The following TNRC6A variants were observed in gnomAD, a reference collection of about 807,000 sequenced individuals.
TNRC6A encodes the protein trinucleotide repeat containing adaptor 6A, also known as trinucleotide repeat-containing gene 6A protein.
Under a neutral mutation model 221.2 loss-of-function variants are expected in TNRC6A, and 44 were observed. The ratio of observed to expected loss-of-function variants is 0.20; its 90% confidence interval spans 0.16 to 0.26. The LOEUF is 0.26. Among genes scored for constraint, TNRC6A ranks in the 10% least tolerant of loss-of-function variants. TNRC6A has a pLI of 1.00. For synonymous variants in TNRC6A, 847 were observed against 838.5 expected, an observed-to-expected ratio of 1.01 and a Z score of -0.18; for missense variants, 2,199 against 2,404.4, an observed-to-expected ratio of 0.91 and a Z score of 1.79.
intron 5 of TNRC6A, among the ~76,000 whole-genome samples, chr16:24,784,163 G>A (rs1224944509): frequency 6.6e-6 from 1 of 151,960 alleles, no homozygotes; most frequent in African/African-American, 2.4e-5. Flanking sequence ...TACCACACCC[G>A]GTTAATTTTT....
chr16:24,627,697 C>CTTTTTTTT (rs57520356), intron 1 of TNRC6A, among the ~76,000 whole-genome samples: 3 of 101,770 alleles, frequency 2.9e-5, no homozygotes, highest in Non-Finnish European at 5.6e-5. Flanking sequence ...TCTTTTCTTG[C>CTTTTTTTT]TTTTTTTTTT....
chr16:24,622,619 T>C (rs184038605), intron 1 of TNRC6A, among the ~76,000 whole-genome samples: 4 of 152,178 alleles, frequency 2.6e-5, no homozygotes, highest in Non-Finnish European at 4.4e-5. Flanking sequence ...ATCATAATAA[T>C]TGCAAAGAGG....
intron 19 of TNRC6A, chr16:24,815,582 G>A (rs1047862091): frequency 7.5e-6 from 3 of 398,790 alleles, no homozygotes; most frequent in African/African-American, 2.0e-5. Flanking sequence ...TAGGCTGGGC[G>A]CAGTGGCACA....
intron 2 of TNRC6A, among the ~76,000 whole-genome samples, chr16:24,667,721 T>G (rs1198646230): frequency 1.3e-5 from 2 of 152,188 alleles, no homozygotes; most frequent in African/African-American, 4.8e-5. Flanking sequence ...GCTATTATTG[T>G]TGTCATATCG....
intron 11 of TNRC6A, among the ~76,000 whole-genome samples, chr16:24,800,038 G>C (rs1327992672): frequency 6.6e-6 from 1 of 152,174 alleles, no homozygotes; most frequent in East Asian, 1.9e-4. Context: ...TTGCCTGCTA[G>C]TTCATACCTC....
intron 1 of TNRC6A, among the ~76,000 whole-genome samples, chr16:24,612,180 G>T (rs1900085769): frequency 6.6e-6 from 1 of 152,114 alleles, no homozygotes; most frequent in East Asian, 1.9e-4. Flanking sequence ...GGAGATGGTG[G>T]CTGTGTCAAA....
intron 2 of TNRC6A, among the ~76,000 whole-genome samples, chr16:24,653,233 G>C (rs571641477): frequency 6.6e-6 from 1 of 152,268 alleles, no homozygotes; most frequent in Admixed American, 6.5e-5. Context: ...AAACAAGGGA[G>C]CGTTCACCTC....
chr16:24,642,142 G>A (rs1000396919), intron 2 of TNRC6A, among the ~76,000 whole-genome samples: 1 of 152,208 alleles, frequency 6.6e-6, no homozygotes, highest in African/African-American at 2.4e-5. Context: ...AGATTCCTGG[G>A]GGTAAACGGC....
At chr16:24,740,622 GA>G (rs1271031170) in intron 2 of TNRC6A, among the ~76,000 whole-genome samples, 6 of 152,048 alleles carry the variant, frequency 3.9e-5, no homozygotes, top group East Asian at 1.9e-4. Flanking sequence ...AAATACAGTA[GA>G]TTTTTTTTAA....
intron 4 of TNRC6A, among the ~76,000 whole-genome samples, chr16:24,769,720 C>G (rs1050255233): frequency 1.3e-5 from 2 of 152,142 alleles, no homozygotes; most frequent in African/African-American, 4.8e-5. Context: ...AGCATACTAA[C>G]CAGTGACCAT....
chr16:24,817,929 G>C (rs917025800), intron 20 of TNRC6A, among the ~76,000 whole-genome samples: 1 of 152,180 alleles, frequency 6.6e-6, no homozygotes, highest in Non-Finnish European at 1.5e-5. Context: ...TGAATTTGGT[G>C]TTAAAGGAAA....
At position 24,804,285 on chromosome 16, in the gene TNRC6A, A is replaced by T. The variant is rs200676338; in HGVS notation, c.3803A>T (p.Glu1268Val). Residue 1268 changes from glutamate to valine, a missense_variant, in exon 12 of 25, where the codon GAG (glutamate) becomes GTG (valine). Glu to Val is a moderately radical substitution (Grantham distance 121). Around this residue, in one of 8 missense-constraint regions of TNRC6A, gnomAD observed 158 missense variants for 159.1 expected, o/e 0.99. Transcript: ENST00000395799. Reference sequence around the variant, plus strand: ...GGTTCTCGGCCTCAGATTTCCAAAGAGTCTTCCATGGAGCGCAATCCTTAT... The same window carrying T: ...GGTTCTCGGCCTCAGATTTCCAAAGTGTCTTCCATGGAGCGCAATCCTTAT... ...GPGSRPQISK[E>V]SSMERNPYFD... The T allele has an allele frequency of 1.3e-5, 21 of 1,613,368 alleles. No individual in the cohort carries two copies. The highest frequency in any genetic ancestry group is 1.7e-5 in the Non-Finnish European group (20 of 1,179,868).
chr16:24,817,016 A>G, intron 20 of TNRC6A, 60 bp downstream of exon 20: 4 of 1,531,730 alleles, frequency 2.6e-6, no homozygotes, highest in Non-Finnish European at 3.5e-6. Context: ...AGAATGGCTC[A>G]TGTAGTACCC....
chr16:24,807,521 T>C (rs1428415958), intron 17 of TNRC6A, among the ~76,000 whole-genome samples: 3 of 152,226 alleles, frequency 2.0e-5, no homozygotes, highest in South Asian at 4.1e-4. Flanking sequence ...TCACATTTGC[T>C]AGCTCTCAGA....
chr16:24,670,661 C>T (rs1313116043), intron 2 of TNRC6A, among the ~76,000 whole-genome samples: 3 of 152,136 alleles, frequency 2.0e-5, no homozygotes, highest in East Asian at 1.9e-4. Flanking sequence ...GCCCAGCCTC[C>T]GATCTCTCTC....
intron 3 of TNRC6A, among the ~76,000 whole-genome samples, chr16:24,754,244 G>T (rs971976660): frequency 2.6e-5 from 4 of 151,838 alleles, no homozygotes; most frequent in Admixed American, 1.3e-4. Flanking sequence ...ATTAGACACC[G>T]ACGAGCCTTA....
chr16:24,805,319 G>A, intron 14 of TNRC6A, 168 bp downstream of exon 14: 1 of 1,101,124 alleles, frequency 9.1e-7, no homozygotes, highest in Non-Finnish European at 1.3e-6. Context: ...GAAAAGTCAA[G>A]GATAATTTAA....
chr16:24,650,056 T>C (rs1233421546), intron 2 of TNRC6A, among the ~76,000 whole-genome samples: 1 of 151,794 alleles, frequency 6.6e-6, no homozygotes, highest in Non-Finnish European at 1.5e-5. Flanking sequence ...ACTCCTGACC[T>C]CAAATGATCT....
chr16:24,733,746 A>G (rs569171745), intron 2 of TNRC6A, among the ~76,000 whole-genome samples: 2 of 152,302 alleles, frequency 1.3e-5, no homozygotes, highest in South Asian at 4.1e-4. Flanking sequence ...TATGGGAGCT[A>G]TTGCATGCTT....
Sources: allele counts gnomAD v4.1 joint callset (sites outside exome capture counted in the v4.1 genomes callset), GRCh38; gene constraint gnomAD v4.1.1; regional missense constraint gnomAD v4.1.1; transcripts MANE v1.5; gene names NCBI Gene and HGNC (gene_info 2026-07-23, HGNC 2026-07-21).